Variants in CDCA7L observed in about 807,000 individuals in gnomAD.
CDCA7L encodes cell division cycle associated 7 like.
CDCA7L carries 44 observed loss-of-function variants against 57.4 expected under a neutral mutation model. The ratio of observed to expected loss-of-function variants is 0.77; its 90% CI spans 0.60 to 0.98. The LOEUF is 0.98. Among genes scored for constraint, CDCA7L ranks in the 50% least tolerant of loss-of-function variants. The pLI, the probability that CDCA7L is intolerant of heterozygous loss-of-function variation, is 0.00. For missense variants in CDCA7L, 644 were observed against 580.6 expected (o/e 1.11, Z -1.12); for synonymous variants, 236 against 202.8 (o/e 1.16, Z -1.39).
At chr7:21,931,159 T>C (rs1177219360) in intron 1 of CDCA7L, among the ~76,000 whole-genome samples, 1 of 152,030 alleles carries the variant, frequency 6.6e-6, no homozygotes, top group Non-Finnish European at 1.5e-5. Context: ...CAAAAGAGTC[T>C]AGGACCAGAC....
intron 8 of CDCA7L, chr7:21,903,839 A>T (rs1785033417): frequency 3.0e-6 from 1 of 332,574 alleles, no homozygotes; most frequent in Admixed American, 4.5e-5. Flanking sequence ...AGGTACAGGG[A>T]TTACTTGCAT....
chr7:21,945,798 A>G lies in CDCA7L; in HGVS notation c.7T>C (p.Leu3=), dbSNP rs769478286. ME[L]ATRYQIPKEV... Reference sequence around the variant, plus strand: ...ACCCTCACCTGGTAGCGAGTCGCCAACTCCATTCTTCCTAACCGGGCTCCA... The same window carrying G: ...ACCCTCACCTGGTAGCGAGTCGCCAGCTCCATTCTTCCTAACCGGGCTCCA... Residue 3 remains leucine, a synonymous_variant, in exon 1 of 10, where the codon TTG becomes CTG. Transcript: ENST00000406877. The G allele has an allele frequency of 6.3e-7, 1 of 1,598,404 alleles. No individual in the cohort carries two copies. The highest frequency in any genetic ancestry group is 1.1e-5 in the South Asian group (1 of 88,856).
Position 21,902,133 on chromosome 7 carries a change from C to CCTCT in CDCA7L, c.*185_*188dup. On this transcript the variant is annotated 3_prime_UTR_variant, in exon 10 of 10. Coordinates refer to ENST00000406877, the MANE Select transcript of CDCA7L (RefSeq NM_018719.5). ...GTCTGTGCATACATCTATATAGATTCCTCTGCTCTGCTGTCTTCCTGAGAA... is the reference window on the plus strand; with the variant it reads ...GTCTGTGCATACATCTATATAGATTCCTCTCTCTGCTCTGCTGTCTTCCTGAGAA... 1 of 635,162 alleles carries CCTCT rather than the reference C, an allele frequency of 1.6e-6. No homozygotes were observed. The highest frequency in any genetic ancestry group is 2.7e-5 in the Admixed American group (1 of 36,816). 39.3% of individuals were successfully genotyped at this position (635,162 alleles called of 1,614,324 possible).
chr7:21,906,178 G>T, intron 6 of CDCA7L, 111 bp downstream of exon 6: 1 of 1,006,460 alleles, frequency 9.9e-7, no homozygotes, highest in Non-Finnish European at 1.5e-6. Flanking sequence ...GTTCTCAGCT[G>T]CCGCAGACCC....
rs1363288036 is a variant in CDCA7L at position 21,905,556 on chromosome 7, A to G, written c.997T>C (p.Leu333=). The change falls in exon 7 of 10, where the codon TTA becomes CTA. Residue 333 remains leucine, a synonymous_variant. Coordinates refer to ENST00000406877, the MANE Select transcript of CDCA7L (RefSeq NM_018719.5). The part of the protein sequence containing the change: ...RPVEDITEED[L]ENVAITVRDK... ...CGAACAGTTATGGCAACATTTTCTA[A>G]GTCCTCTTCGGTGATATCCTCCACT... The G allele has an allele frequency of 6.2e-7, 1 of 1,614,106 alleles. No individual in the cohort carries two copies. The highest frequency in any genetic ancestry group is 1.1e-5 in the South Asian group (1 of 91,082).
At position 21,916,840 on chromosome 7, in the gene CDCA7L, C is replaced by G. The variant is rs1785498651; in HGVS notation, c.79G>C (p.Val27Leu). The change falls in exon 2 of 10, where the codon GTT becomes CTT. Residue 27 changes from valine (V) to leucine (L), a missense_variant. Val to Leu is a conservative substitution (Grantham distance 32). Transcript: ENST00000406877. The stretch of plus-strand genomic sequence containing the variant: ...ATGGGAACATCATCTCGGAAGCCAA[C>G]AAACTCTTCATCATCACTGGGGGCG... ...FNAPSDDEEF[V>L]GFRDDVPMET... is the part of the protein sequence containing the mutation. 6.2e-7 allele frequency: 1 copy of G among 1,614,132 alleles called. No individual in the cohort carries two copies. The highest frequency in any genetic ancestry group is 8.5e-7 in the Non-Finnish European group (1 of 1,179,994).
At chr7:21,904,363 G>C in intron 7 of CDCA7L, 104 bp from the exon 8 acceptor site, 1 of 1,144,800 alleles carries the variant, frequency 8.7e-7, no homozygotes, top group Non-Finnish European at 1.2e-6. Flanking sequence ...AAATACCCCC[G>C]TCTCCTCGAA....
intron 1 of CDCA7L, among the ~76,000 whole-genome samples, chr7:21,935,657 A>G (rs918241782): frequency 1.6e-4 from 25 of 152,212 alleles, no homozygotes; most frequent in Admixed American, 2.0e-4. Flanking sequence ...ATATACAGAG[A>G]AAACTCAAAT....
intron 1 of CDCA7L, among the ~76,000 whole-genome samples, chr7:21,920,637 T>A (rs1047670654): frequency 6.6e-6 from 1 of 152,238 alleles, no homozygotes; most frequent in African/African-American, 2.4e-5. Context: ...CCACACGTAG[T>A]GCAGCACTAG....
chr7:21,919,967 T>A (rs1263084443), intron 1 of CDCA7L, among the ~76,000 whole-genome samples: 2 of 152,210 alleles, frequency 1.3e-5, no homozygotes, highest in African/African-American at 4.8e-5. Context: ...ATGCAGTATA[T>A]TAAAAAGATG....
At chr7:21,945,740 T>A in intron 1 of CDCA7L, 41 bp downstream of exon 1, 1 of 1,600,888 alleles carries the variant, frequency 6.2e-7, no homozygotes, top group Non-Finnish European at 8.5e-7. Flanking sequence ...GAAGTCAAAC[T>A]GTGGGTGCGT....
chr7:21,908,963 G>A (rs1012701577), intron 3 of CDCA7L, among the ~76,000 whole-genome samples: 2 of 152,192 alleles, frequency 1.3e-5, no homozygotes, highest in East Asian at 3.8e-4. Context: ...CTGAATAACA[G>A]GGCGGGAGAG....
intron 2 of CDCA7L, among the ~76,000 whole-genome samples, chr7:21,913,606 G>C (rs1785397385): frequency 6.6e-6 from 1 of 152,180 alleles, no homozygotes; most frequent in Non-Finnish European, 1.5e-5. Context: ...CAGAGCCTTG[G>C]GCCAGCCCCT....
In CDCA7L at chr7:21,945,783, G is replaced by C; in HGVS notation, c.22C>G (p.Gln8Glu). 6.2e-7 allele frequency: 1 copy of C among 1,600,462 alleles called. No homozygotes were observed. Among genetic ancestry groups the C allele is most frequent in the Non-Finnish European group, 8.5e-7 (1 of 1,174,780 alleles). ...GCGGCGGGCGGCCGGACCCTCACCTGGTAGCGAGTCGCCAACTCCATTCTT... is the reference window on the plus strand; with the variant it reads ...GCGGCGGGCGGCCGGACCCTCACCTCGTAGCGAGTCGCCAACTCCATTCTT... MELATRY[Q>E]IPKEVADIFN... The change falls in exon 1 of 10, where the codon CAG (glutamine) becomes GAG (glutamate). Residue 8 changes from glutamine (Q) to glutamate (E), a missense_variant and splice_region_variant. Coordinates refer to ENST00000406877, the MANE Select transcript of CDCA7L (RefSeq NM_018719.5).
intron 1 of CDCA7L, among the ~76,000 whole-genome samples, chr7:21,936,625 C>T (rs1363134855): frequency 6.6e-6 from 1 of 151,612 alleles, no homozygotes; most frequent in Non-Finnish European, 1.5e-5. Flanking sequence ...ACACCCTTCC[C>T]TCATCAGAAA....
chr7:21,908,599 A>C, intron 3 of CDCA7L, 92 bp from the exon 4 acceptor site: 1 of 1,294,124 alleles, frequency 7.7e-7, no homozygotes, highest in Non-Finnish European at 1.0e-6. Flanking sequence ...CATTATGAGA[A>C]AAAACATGAA....
intron 1 of CDCA7L, among the ~76,000 whole-genome samples, chr7:21,931,914 T>G (rs1372232384): frequency 6.6e-6 from 1 of 152,210 alleles, no homozygotes; most frequent in African/African-American, 2.4e-5. Context: ...GAAAATCCCA[T>G]CGTCTCAGCC....
chr7:21,930,378 T>G (rs1324314273), intron 1 of CDCA7L, among the ~76,000 whole-genome samples: 2 of 152,058 alleles, frequency 1.3e-5, no homozygotes, highest in Non-Finnish European at 2.9e-5. Flanking sequence ...GATCTAAAAT[T>G]GACACCCTAG....
Position 21,901,499 on chromosome 7 carries a change from G to T in CDCA7L, c.*823C>A. 1 of 369,310 alleles carries T rather than the reference G, an allele frequency of 2.7e-6. No individual in the cohort carries two copies. Among genetic ancestry groups the T allele is most frequent in the Non-Finnish European group, 4.4e-6 (1 of 227,814 alleles). 22.9% of individuals were successfully genotyped at this position (369,310 alleles called of 1,614,324 possible). A position where few individuals can be genotyped will look rare whatever the true frequency, so the allele number is the denominator to read the frequency against. On this transcript the variant is annotated 3_prime_UTR_variant, in exon 10 of 10. Transcript: ENST00000406877. ...TAGGAGAATCACTTGAACCTAGGAG[G>T]CAAAGGTTGCAGTGAGCCGAGGTTG...
Sources: allele counts gnomAD v4.1 joint callset (sites outside exome capture counted in the v4.1 genomes callset), GRCh38; gene constraint gnomAD v4.1.1; transcripts MANE v1.5; gene names NCBI Gene and HGNC (gene_info 2026-07-23, HGNC 2026-07-21).